TTC3: variants seen among roughly 807,000 people sequenced by gnomAD.
TTC3 encodes tetratricopeptide repeat domain 3.
TTC3 carries 180 observed loss-of-function variants against 249.6 expected under a neutral mutation model. The ratio of observed to expected loss-of-function variants is 0.72; its 90% CI spans 0.64 to 0.82. The LOEUF is 0.82. Ranked by LOEUF, TTC3 falls within the 40% of genes least tolerant of loss-of-function variation. The pLI is 0.00. For synonymous variants in TTC3, 717 were observed against 805.0 expected (o/e 0.89, Z 1.85); for missense variants, 2,061 against 2,398.4 (o/e 0.86, Z 2.94).
intron 35 of TTC3, among the ~76,000 whole-genome samples, chr21:37,174,377 C>T (rs1644118222): frequency 6.6e-6 from 1 of 152,192 alleles, no homozygotes. Context: ...CTATTCCCTA[C>T]CAGGATAAGT....
chr21:37,116,626 A>G (rs1447491087), intron 11 of TTC3, among the ~76,000 whole-genome samples: 1 of 151,412 alleles, frequency 6.6e-6, no homozygotes, highest in Non-Finnish European at 1.5e-5. Context: ...CCTGGCCAAC[A>G]TGTGAAACCC....
chr21:37,156,579 G>C, intron 27 of TTC3, 76 bp from the exon 28 acceptor site: 1 of 1,519,824 alleles, frequency 6.6e-7, no homozygotes, highest in Non-Finnish European at 8.8e-7. Context: ...GCTGCTTTCA[G>C]AGATGTGAAA....
intron 14 of TTC3, among the ~76,000 whole-genome samples, chr21:37,125,146 T>G (rs1217847453): frequency 1.3e-5 from 2 of 151,994 alleles, no homozygotes; most frequent in African/African-American, 4.8e-5. Context: ...ATTGAGCATT[T>G]CCAGCTGGAT....
chr21:37,143,162 T>A (rs1324351672), intron 20 of TTC3, among the ~76,000 whole-genome samples: 2 of 152,130 alleles, frequency 1.3e-5, no homozygotes, highest in African/African-American at 2.4e-5. Context: ...AACCTAGGCA[T>A]TACCATTCAG....
intron 11 of TTC3, among the ~76,000 whole-genome samples, chr21:37,110,708 C>A (rs1435944632): frequency 1.3e-5 from 2 of 152,086 alleles, no homozygotes; most frequent in Admixed American, 6.5e-5. Context: ...CAGAGAACAC[C>A]ACAAAGATAC....
exon 22 of TTC3, chr21:37,147,570 G>A (rs1644108753): frequency 4.3e-6 from 7 of 1,611,438 alleles, no homozygotes; most frequent in South Asian, 3.3e-5. Flanking sequence ...GATATTCTAA[G>A]ATCCAGATAT....
rs367739635 is a variant in TTC3, at chr21:37,090,182, A to T, written c.427-51A>T. 21 of 1,411,962 alleles carry T rather than the reference A, an allele frequency of 1.5e-5. No individual in the cohort carries two copies. In the African/African-American group the frequency reaches 2.3e-4, roughly 15 times the overall value. The allele number at this position is 1,411,962 out of a possible 1,614,324, so 87.5% of individuals were successfully genotyped here. A position where few individuals can be genotyped will look rare whatever the true frequency, so the allele number is the denominator to read the frequency against. ...AGGCCATTTTTCCGTTAGAAAATTC[A>T]AGTAGAATTGACTGAATAAGGAAAA... is the stretch of plus-strand genomic sequence containing the variant. On this transcript the variant is annotated intron_variant, in intron 5 of 45. Coordinates refer to ENST00000355666, the Ensembl canonical transcript of TTC3.
intron 36 of TTC3, among the ~76,000 whole-genome samples, chr21:37,183,656 G>A (rs2082961416): frequency 6.6e-6 from 1 of 152,122 alleles, no homozygotes; most frequent in African/African-American, 2.4e-5. Context: ...CCTCAGCTGG[G>A]ATGCTGGGGT....
At chr21:37,129,143 G>T in intron 16 of TTC3, 80 bp downstream of exon 16, 1 of 938,210 alleles carries the variant, frequency 1.1e-6, no homozygotes, top group South Asian at 2.0e-5. Flanking sequence ...TGTTTTTCGA[G>T]TATTAGCTAC....
chr21:37,134,497 CT>C (rs1266919503), intron 17 of TTC3, among the ~76,000 whole-genome samples: 4 of 151,644 alleles, frequency 2.6e-5, no homozygotes, highest in African/African-American at 9.7e-5. Context: ...AACCAAACTG[CT>C]TTTTCCTCTG....
chr21:37,149,360 A>T (rs2835629), intron 23 of TTC3, among the ~76,000 whole-genome samples: 81,100 of 151,998 alleles, frequency 0.53, 22,282 homozygotes, highest in African/African-American at 0.64. Flanking sequence ...TTATTAAAGT[A>T]TGGTAGAAAT....
intron 24 of TTC3, among the ~76,000 whole-genome samples, 178 bp downstream of exon 24, chr21:37,150,348 G>A (rs891814784): frequency 2.6e-5 from 4 of 152,130 alleles, no homozygotes; most frequent in Admixed American, 6.5e-5. Flanking sequence ...TGTAATGAAA[G>A]CATTCTTATA....
intron 18 of TTC3, 112 bp downstream of exon 18, chr21:37,135,626 A>G (rs2077863531): frequency 7.7e-7 from 1 of 1,299,688 alleles, no homozygotes; most frequent in South Asian, 1.7e-5. Context: ...CCTTGCTGAG[A>G]TTGGCTGAAT....
intron 34 of TTC3, among the ~76,000 whole-genome samples, chr21:37,169,007 A>C (rs1043406708): frequency 6.6e-5 from 10 of 152,074 alleles, no homozygotes; most frequent in African/African-American, 2.2e-4. Context: ...GCTTGACCTC[A>C]TGGGGCTGGC....
At chr21:37,144,956 A>G (rs575603645) in intron 21 of TTC3, among the ~76,000 whole-genome samples, 100 of 152,330 alleles carry the variant, frequency 6.6e-4, no homozygotes, top group African/African-American at 2.3e-3. Context: ...GTGAAACAGC[A>G]AGCAAATTGT....
At chr21:37,123,459 CA>C (rs1240211624) in intron 13 of TTC3, among the ~76,000 whole-genome samples, 1 of 152,190 alleles carries the variant, frequency 6.6e-6, no homozygotes, top group East Asian at 1.9e-4. Context: ...TGATGTCTTT[CA>C]AAGGCTAAGA....
chr21:37,129,511 A>G (rs2077299622), intron 16 of TTC3, among the ~76,000 whole-genome samples: 1 of 152,226 alleles, frequency 6.6e-6, no homozygotes, highest in Non-Finnish European at 1.5e-5. Flanking sequence ...TGCATATTTC[A>G]GATGCCCTTT....
intron 10 of TTC3, among the ~76,000 whole-genome samples, chr21:37,104,579 A>C: frequency 7.8e-6 from 1 of 128,822 alleles, no homozygotes; most frequent in Admixed American, 8.6e-5. Flanking sequence ...GACGAGCAAA[A>C]CTCCGTCTCA....
At chr21:37,086,714 A>G (rs1457830279) in intron 1 of TTC3, 1 of 156,738 alleles carries the variant, frequency 6.4e-6, no homozygotes, top group African/African-American at 2.4e-5. Context: ...AGACAGAAAC[A>G]CACTGAGATG....
Sources: allele counts gnomAD v4.1 joint callset (sites outside exome capture counted in the v4.1 genomes callset), GRCh38; gene constraint gnomAD v4.1.1; transcripts MANE v1.5; gene names NCBI Gene and HGNC (gene_info 2026-07-23, HGNC 2026-07-21).